Variants in CACNG2 observed in about 807,000 individuals in gnomAD.
The protein encoded by CACNG2 is voltage-dependent calcium channel gamma-2 subunit.
CACNG2 carries 3 observed loss-of-function variants against 25.9 expected under a neutral mutation model. The ratio of observed to expected loss-of-function variants is 0.12; its 90% CI spans 0.05 to 0.30. The LOEUF is 0.30. Among genes scored for constraint, CACNG2 ranks in the 10% least tolerant of loss-of-function variants. CACNG2 has a pLI of 1.00. For missense variants in CACNG2, 341 were observed against 432.5 expected (o/e 0.79, Z 1.88); for synonymous variants, 167 against 173.3 (o/e 0.96, Z 0.29).
intron 1 of CACNG2, among the ~76,000 whole-genome samples, chr22:36,673,477 CA>C (rs1029362378): frequency 1.3e-5 from 2 of 152,256 alleles, no homozygotes; most frequent in Non-Finnish European, 2.9e-5. Context: ...AGAACATACA[CA>C]TTGATTTCTT....
chr22:36,620,974 G>A (rs1214020686), intron 1 of CACNG2, among the ~76,000 whole-genome samples: 1 of 152,170 alleles, frequency 6.6e-6, no homozygotes, highest in Non-Finnish European at 1.5e-5. Flanking sequence ...CTGACTGTTG[G>A]GTTTGATAGT....
chr22:36,688,826 A>C (rs967999146), intron 1 of CACNG2, among the ~76,000 whole-genome samples: 2 of 152,124 alleles, frequency 1.3e-5, no homozygotes, highest in Non-Finnish European at 2.9e-5. Context: ...CCAGAAATGG[A>C]GTCTCAGCCC....
intron 1 of CACNG2, among the ~76,000 whole-genome samples, chr22:36,600,650 G>A (rs932598598): frequency 6.6e-6 from 1 of 151,640 alleles, no homozygotes; most frequent in African/African-American, 2.4e-5. Flanking sequence ...GAGTTCAAGC[G>A]ATTCTTGTGC....
chr22:36,600,827 A>G (rs906716298), intron 1 of CACNG2, among the ~76,000 whole-genome samples: 2 of 152,150 alleles, frequency 1.3e-5, no homozygotes, highest in Non-Finnish European at 2.9e-5. Flanking sequence ...GATTATAGGC[A>G]TGAACCACCG....
intron 1 of CACNG2, among the ~76,000 whole-genome samples, chr22:36,616,171 G>A (rs1049763429): frequency 6.6e-6 from 1 of 152,162 alleles, no homozygotes; most frequent in African/African-American, 2.4e-5. Context: ...GATAAGAAAA[G>A]AATAATCCTC....
chr22:36,643,301 C>G (rs1936469948), intron 1 of CACNG2, among the ~76,000 whole-genome samples: 1 of 150,256 alleles, frequency 6.7e-6, no homozygotes, highest in South Asian at 2.1e-4. Context: ...CCTTCCTTTT[C>G]TTCCTTCCTT....
chr22:36,569,346 G>A (rs551884938), intron 2 of CACNG2, among the ~76,000 whole-genome samples: 2 of 152,218 alleles, frequency 1.3e-5, no homozygotes, highest in South Asian at 4.1e-4. Flanking sequence ...ATCCAGACCA[G>A]CTCAACTTTT....
intron 1 of CACNG2, among the ~76,000 whole-genome samples, chr22:36,636,116 A>G (rs9622436): frequency 0.13 from 19,420 of 152,072 alleles, 3,294 homozygotes; most frequent in African/African-American, 0.39. Context: ...GACTTCCCAC[A>G]GCTTTTAGAA....
intron 1 of CACNG2, among the ~76,000 whole-genome samples, chr22:36,636,669 T>TAATTGAGTTA (rs1235697432): frequency 2.6e-5 from 4 of 152,084 alleles, no homozygotes; most frequent in African/African-American, 9.7e-5. Flanking sequence ...CCGTGGAACT[T>TAATTGAGTTA]CTCGTTTATT....
At position 36,560,996 on chromosome 22, in the gene CACNG2, T is replaced by C. The variant is rs535346859; in HGVS notation, c.*3355A>G. On this transcript the variant is annotated 3_prime_UTR_variant, in exon 4 of 4. Transcript: ENST00000300105. ...GACTCACCAAGAAAATAAATGGAGG[T>C]TAGTTTCTTGAACTGGTCTGAGCTG... 1.4e-5 allele frequency: 2 copies of C among 146,320 alleles called. No homozygotes were observed. Among genetic ancestry groups the C allele is most frequent in the Non-Finnish European group, 3.0e-5 (2 of 67,256 alleles). The allele number at this position is 146,320 out of a possible 1,614,324, so 9.1% of individuals were successfully genotyped here.
chr22:36,649,969 C>A (rs1198205650), intron 1 of CACNG2, among the ~76,000 whole-genome samples: 1 of 152,200 alleles, frequency 6.6e-6, no homozygotes, highest in Non-Finnish European at 1.5e-5. Flanking sequence ...CAGACTAATA[C>A]AGACTGTGTC....
At chr22:36,698,263 A>G (rs1937366303) in intron 1 of CACNG2, among the ~76,000 whole-genome samples, 1 of 152,046 alleles carries the variant, frequency 6.6e-6, no homozygotes, top group Non-Finnish European at 1.5e-5. Context: ...CAGTAATTTT[A>G]AGAATTTCTG....
chr22:36,642,332 G>C (rs1285743192), intron 1 of CACNG2, among the ~76,000 whole-genome samples: 1 of 152,172 alleles, frequency 6.6e-6, no homozygotes, highest in African/African-American at 2.4e-5. Flanking sequence ...TCTGGTTGGG[G>C]ATTTGACCGT....
intron 1 of CACNG2, among the ~76,000 whole-genome samples, chr22:36,612,019 G>A (rs1287976869): frequency 6.6e-6 from 1 of 152,230 alleles, no homozygotes; most frequent in East Asian, 1.9e-4. Flanking sequence ...CATAAATAAT[G>A]TGGGTGGTTC....
At chr22:36,596,156 GGGA>G (rs1418158923) in intron 1 of CACNG2, among the ~76,000 whole-genome samples, 6 of 152,226 alleles carry the variant, frequency 3.9e-5, no homozygotes, top group Admixed American at 3.9e-4. Flanking sequence ...CTGAGGCGTG[GGGA>G]GGAGGCTGTC....
At chr22:36,665,422 A>G (rs1385694539) in intron 1 of CACNG2, among the ~76,000 whole-genome samples, 1 of 152,228 alleles carries the variant, frequency 6.6e-6, no homozygotes, top group Non-Finnish European at 1.5e-5. Flanking sequence ...GCAAGTACAC[A>G]GTGCCTGGCA....
chr22:36,610,625 T>A (rs1264333864), intron 1 of CACNG2, among the ~76,000 whole-genome samples: 1 of 151,576 alleles, frequency 6.6e-6, no homozygotes, highest in Non-Finnish European at 1.5e-5. Flanking sequence ...GACAGAGGAG[T>A]GACCCCCAAA....
intron 2 of CACNG2, among the ~76,000 whole-genome samples, chr22:36,583,775 A>G (rs1374336276): frequency 1.3e-5 from 2 of 152,006 alleles, no homozygotes. Flanking sequence ...TCACTACCAC[A>G]GCAGCCAGGC....
At chr22:36,616,138 G>T (rs1176400498) in intron 1 of CACNG2, among the ~76,000 whole-genome samples, 2 of 152,050 alleles carry the variant, frequency 1.3e-5, no homozygotes, top group African/African-American at 4.8e-5. Context: ...TTGTTGCCCT[G>T]GTGTCCTCAT....
Sources: gnomAD v4.1 joint callset for allele counts (sites outside exome capture counted in the v4.1 genomes callset) on GRCh38, gnomAD v4.1.1 for gene constraint, MANE v1.5 for transcripts, NCBI Gene and HGNC (gene_info 2026-07-23, HGNC 2026-07-21) for gene names.